The following HS3ST5 variants were observed in gnomAD, a reference collection of about 807,000 sequenced individuals.
The protein encoded by HS3ST5 is heparan sulfate glucosamine 3-O-sulfotransferase 5.
In HS3ST5, 10 loss-of-function variants were observed where a neutral mutation model predicts 25.4. The observed-to-expected ratio is 0.39, with a 90% CI of 0.24 to 0.67. The LOEUF (loss-of-function observed/expected upper bound fraction) is 0.67, where lower values mean the gene tolerates loss of function less well. HS3ST5 is among the 30% of genes least tolerant of loss of function. HS3ST5 has a pLI of 0.44. For missense variants in HS3ST5, 324 were observed against 420.7 expected, an observed-to-expected ratio of 0.77 and a Z score of 2.01; for synonymous variants, 170 against 162.4, an observed-to-expected ratio of 1.05 and a Z score of -0.36.
chr6:114,108,024 A>T (rs1453128458), intron 3 of HS3ST5, among the ~76,000 whole-genome samples: 1 of 152,156 alleles, frequency 6.6e-6, no homozygotes, highest in African/African-American at 2.4e-5. Context: ...TCACATGGGA[A>T]GGCAGATATA....
At chr6:114,207,693 C>T (rs931536754) in intron 2 of HS3ST5, among the ~76,000 whole-genome samples, 2 of 152,234 alleles carry the variant, frequency 1.3e-5, no homozygotes, top group Admixed American at 6.5e-5. Context: ...TTGTCTTTTA[C>T]ACCTTTCCAA....
At chr6:114,073,946 C>G (rs1773977151) in intron 3 of HS3ST5, among the ~76,000 whole-genome samples, 1 of 152,152 alleles carries the variant, frequency 6.6e-6, no homozygotes, top group Non-Finnish European at 1.5e-5. Flanking sequence ...CACATATACA[C>G]CATGGAATAT....
At chr6:114,303,462 A>T in intron 1 of HS3ST5, among the ~76,000 whole-genome samples, 1 of 148,994 alleles carries the variant, frequency 6.7e-6, no homozygotes, top group Admixed American at 6.7e-5. Flanking sequence ...CTGTGTTTGC[A>T]TTTTTTTTTT....
chr6:114,077,341 TCA>T (rs1293878067), intron 3 of HS3ST5, among the ~76,000 whole-genome samples: 1 of 152,228 alleles, frequency 6.6e-6, no homozygotes, highest in African/African-American at 2.4e-5. Flanking sequence ...TCCCAGTATC[TCA>T]CTGGTATAGG....
chr6:114,100,651 T>C (rs1210761598), intron 3 of HS3ST5, among the ~76,000 whole-genome samples: 1 of 152,230 alleles, frequency 6.6e-6, no homozygotes, highest in Non-Finnish European at 1.5e-5. Context: ...GCCTAAACTG[T>C]AGCATTAATC....
chr6:114,137,378 C>T (rs1204509896), intron 3 of HS3ST5, among the ~76,000 whole-genome samples: 1 of 152,178 alleles, frequency 6.6e-6, no homozygotes, highest in Non-Finnish European at 1.5e-5. Context: ...CACCTATAGA[C>T]ATCACAGGGA....
chr6:114,057,929 G>A lies in HS3ST5; in HGVS notation c.369C>T (p.Ile123=). The A allele has an allele frequency of 6.2e-7, 1 of 1,614,118 alleles. No homozygotes were observed. The highest frequency in any genetic ancestry group is 2.2e-5 in the East Asian group (1 of 44,876). The change falls in exon 5 of 5, where the codon ATC becomes ATT. Residue 123 remains isoleucine, a synonymous_variant. Transcript: ENST00000312719. Reference sequence around the variant, plus strand: ...AATTCTCATCATTATCAAAAAAGTGGATTTCTTGAGAGGCTTTGACTACTG... The same window carrying A: ...AATTCTCATCATTATCAAAAAAGTGAATTTCTTGAGAGGCTTTGACTACTG... The part of the protein sequence containing the change: ...HPAVVKASQE[I]HFFDNDENYG...
At chr6:114,101,388 T>A (rs1197227835) in intron 3 of HS3ST5, among the ~76,000 whole-genome samples, 2 of 152,202 alleles carry the variant, frequency 1.3e-5, no homozygotes, top group African/African-American at 4.8e-5. Flanking sequence ...AGTAGGACTC[T>A]CCTGGGATGT....
intron 3 of HS3ST5, among the ~76,000 whole-genome samples, chr6:114,164,392 T>C (rs1038196845): frequency 3.3e-5 from 5 of 152,140 alleles, no homozygotes; most frequent in Non-Finnish European, 1.5e-5. Context: ...AAACTGCAAA[T>C]ACTAAGGAGG....
At chr6:114,177,457 G>C (rs1404872673) in intron 2 of HS3ST5, among the ~76,000 whole-genome samples, 3 of 152,154 alleles carry the variant, frequency 2.0e-5, no homozygotes, top group African/African-American at 7.2e-5. Flanking sequence ...TTTTGCTAAT[G>C]CAAAGCAAAG....
chr6:114,246,404 G>T (rs1224428686), intron 1 of HS3ST5, among the ~76,000 whole-genome samples: 1 of 152,108 alleles, frequency 6.6e-6, no homozygotes, highest in Non-Finnish European at 1.5e-5. Context: ...ATATAGATGT[G>T]GTTTTGTAAT....
chr6:114,214,813 C>A (rs9320485), intron 2 of HS3ST5, among the ~76,000 whole-genome samples: 33,342 of 151,988 alleles, frequency 0.22, 3,690 homozygotes, highest in East Asian at 0.26. Flanking sequence ...TCATGGCACA[C>A]GGAAACCTGG....
At chr6:114,246,003 ATGG>A (rs1772362824) in intron 1 of HS3ST5, among the ~76,000 whole-genome samples, 1 of 152,222 alleles carries the variant, frequency 6.6e-6, no homozygotes, top group East Asian at 1.9e-4. Flanking sequence ...TGAAGCTTAA[ATGG>A]TGGAGCAGGA....
chr6:114,340,676 A>G (rs575138901), intron 1 of HS3ST5: 16 of 152,364 alleles, frequency 1.1e-4, no homozygotes, highest in African/African-American at 3.6e-4. Context: ...CAAGGTAACA[A>G]TGACAACAAC....
chr6:114,057,852 T>C lies in HS3ST5; in HGVS notation c.446A>G (p.Gln149Arg). 1 of 1,614,152 alleles carries C rather than the reference T, an allele frequency of 6.2e-7. No homozygotes were observed. Among genetic ancestry groups the C allele is most frequent in the Non-Finnish European group, 8.5e-7 (1 of 1,179,988 alleles). Reference sequence around the variant, plus strand: ...TGGGCTCTTTTCAATTGTGATTTGCTGAGGGTAGGAAAAAGGCATCTTTTT... The same window carrying C: ...TGGGCTCTTTTCAATTGTGATTTGCCGAGGGTAGGAAAAAGGCATCTTTTT... ...YRKKMPFSYP[Q>R]QITIEKSPAY... The change falls in exon 5 of 5, where the codon CAG becomes CGG. Residue 149 changes from glutamine to arginine, a missense_variant. Gln to Arg is a conservative substitution (Grantham distance 43). Coordinates refer to ENST00000312719, the MANE Select transcript of HS3ST5 (RefSeq NM_153612.4).
rs545040317 is a variant in HS3ST5 at position 114,106,840 on chromosome 6, T to C, written c.-32-43963A>G. On this transcript the variant is annotated intron_variant, in intron 3 of 4. Transcript: ENST00000312719. Reference sequence around the variant, plus strand: ...AAAAACTACCTGAATATTAGTTCTATTGGAGAAAAGTTACCAGGTAAGATA... The same window carrying C: ...AAAAACTACCTGAATATTAGTTCTACTGGAGAAAAGTTACCAGGTAAGATA... 3.3e-5 allele frequency among the ~76,000 whole-genome samples: 5 copies of C among 152,262 alleles called. No homozygotes were observed. The East Asian group carries it at 9.6e-4, about 29-fold the overall frequency.
chr6:114,229,513 C>A (rs1319782961), intron 1 of HS3ST5, among the ~76,000 whole-genome samples: 1 of 152,162 alleles, frequency 6.6e-6, no homozygotes, highest in Non-Finnish European at 1.5e-5. Context: ...AACAATAGTT[C>A]TCAGAGAAGG....
Position 114,057,137 on chromosome 6 carries a change from G to A in HS3ST5, c.*120C>T. 1 of 739,772 alleles carries A rather than the reference G, an allele frequency of 1.4e-6. No individual in the cohort carries two copies. Among genetic ancestry groups the A allele is most frequent in the Non-Finnish European group, 2.2e-6 (1 of 445,036 alleles). 45.8% of individuals were successfully genotyped at this position (739,772 alleles called of 1,614,324 possible). A position where few individuals can be genotyped will look rare whatever the true frequency, so the allele number is the denominator to read the frequency against. On this transcript the variant is annotated 3_prime_UTR_variant, in exon 5 of 5. Coordinates refer to ENST00000312719, the MANE Select transcript of HS3ST5 (RefSeq NM_153612.4). ...TTATATTTGGTCACACACTGCGTATGTACAAATATACATGGAAAAATGACT... is the reference window on the plus strand; with the variant it reads ...TTATATTTGGTCACACACTGCGTATATACAAATATACATGGAAAAATGACT...
At chr6:114,238,589 A>C (rs930345319) in intron 1 of HS3ST5, among the ~76,000 whole-genome samples, 2 of 152,188 alleles carry the variant, frequency 1.3e-5, no homozygotes, top group Middle Eastern at 3.2e-3. Flanking sequence ...CTGAATAGTA[A>C]ACATTGTACC....
Sources: allele counts gnomAD v4.1 joint callset (sites outside exome capture counted in the v4.1 genomes callset), GRCh38; gene constraint gnomAD v4.1.1; transcripts MANE v1.5; gene names NCBI Gene and HGNC (gene_info 2026-07-23, HGNC 2026-07-21).